SMG6: variants seen among roughly 807,000 people sequenced by gnomAD.
SMG6 encodes the protein telomerase-binding protein EST1A.
SMG6 carries 66 observed loss-of-function variants against 142.2 expected under a neutral mutation model. That is an observed-to-expected ratio of 0.46 (90% confidence interval 0.38 to 0.57). The LOEUF (loss-of-function observed/expected upper bound fraction) is 0.57. Ranked by LOEUF, SMG6 falls within the 20% of genes least tolerant of loss-of-function variation. SMG6 has a pLI of 0.00. For synonymous variants in SMG6, 779 were observed against 702.4 expected (o/e 1.11, Z -1.72); for missense variants, 1,793 against 1,832.0 (o/e 0.98, Z 0.39).
intron 15 of SMG6, among the ~76,000 whole-genome samples, chr17:2,074,740 C>T (rs367662175): frequency 2.0e-5 from 3 of 152,342 alleles, no homozygotes; most frequent in East Asian, 3.9e-4. Flanking sequence ...ACAGTGGGCT[C>T]AGTCACTGGC....
chr17:2,080,119 CAAAAG>C (rs2068374107), intron 15 of SMG6, among the ~76,000 whole-genome samples: 2 of 109,540 alleles, frequency 1.8e-5, no homozygotes, highest in African/African-American at 7.4e-5. Context: ...CAAAACAAAA[CAAAAG>C]AATGATGGAT....
At chr17:2,110,601 G>A (rs1248539573) in intron 13 of SMG6, among the ~76,000 whole-genome samples, 4 of 152,088 alleles carry the variant, frequency 2.6e-5, no homozygotes, top group East Asian at 1.9e-4. Flanking sequence ...AAGATCTGGC[G>A]GAAGCAGCAA....
intron 13 of SMG6, among the ~76,000 whole-genome samples, chr17:2,151,861 A>G (rs2070836935): frequency 6.6e-6 from 1 of 152,070 alleles, no homozygotes; most frequent in Admixed American, 6.5e-5. Flanking sequence ...GCTGCTGCCA[A>G]TTTGCTTCTC....
At chr17:2,140,046 A>T (rs1046473111) in intron 13 of SMG6, among the ~76,000 whole-genome samples, 1 of 146,464 alleles carries the variant, frequency 6.8e-6, no homozygotes, top group Non-Finnish European at 1.5e-5. Context: ...CTGTTAACTA[A>T]TTTTTTTTAA....
At chr17:2,188,161 C>T (rs185425803) in intron 11 of SMG6, among the ~76,000 whole-genome samples, 1 of 151,878 alleles carries the variant, frequency 6.6e-6, no homozygotes, top group Non-Finnish European at 1.5e-5. Context: ...ATCCTAACTA[C>T]TAAAGGAGAA....
chr17:2,156,393 C>CAAAAAAAAAAAAAAA (rs34203812), intron 13 of SMG6, among the ~76,000 whole-genome samples: 2 of 55,388 alleles, frequency 3.6e-5, no homozygotes, highest in African/African-American at 8.2e-5. Flanking sequence ...CACTCCTTCT[C>CAAAAAAAAAAAAAAA]AAAAAAAAAA....
rs189486948 is a variant in SMG6, at chr17:2,188,520, G to A, written c.2870-5C>T. 5,217 of 1,612,594 alleles carry A rather than the reference G, an allele frequency of 3.2e-3. 30 individuals are homozygous for A. Among genetic ancestry groups the A allele is most frequent in the South Asian group, 0.017 (1,590 of 91,020 alleles). On this transcript the variant is annotated splice_polypyrimidine_tract_variant and splice_region_variant and intron_variant, in intron 10 of 18. Transcript: ENST00000263073. ...GGCACTCCTCCGAGAAGCAGTCTGCGGACAGGCAAATGAAACTCTCAGCGC... is the reference window on the plus strand; with the variant it reads ...GGCACTCCTCCGAGAAGCAGTCTGCAGACAGGCAAATGAAACTCTCAGCGC...
At chr17:2,083,420 G>A (rs2068476929) in intron 14 of SMG6, among the ~76,000 whole-genome samples, 1 of 152,144 alleles carries the variant, frequency 6.6e-6, no homozygotes, top group Non-Finnish European at 1.5e-5. Flanking sequence ...TATGTCTGAA[G>A]AAACACCTTT....
intron 15 of SMG6, among the ~76,000 whole-genome samples, chr17:2,078,180 G>A (rs1362763291): frequency 1.3e-5 from 2 of 152,080 alleles, no homozygotes; most frequent in African/African-American, 4.8e-5. Context: ...TTCTGGGGCT[G>A]TGCAATGCAG....
chr17:2,188,340 G>T, intron 11 of SMG6, 59 bp downstream of exon 11: 1 of 1,382,722 alleles, frequency 7.2e-7, no homozygotes, highest in Non-Finnish European at 1.0e-6. Flanking sequence ...GGCACTGTGA[G>T]GTCTGGACAA....
At chr17:2,269,513 C>T (rs2074501588) in intron 8 of SMG6, among the ~76,000 whole-genome samples, 1 of 151,664 alleles carries the variant, frequency 6.6e-6, no homozygotes. Flanking sequence ...ATGTGGTGAA[C>T]GTTCTGTGCT....
chr17:2,292,528 T>A, intron 6 of SMG6, 24 bp downstream of exon 6: 3 of 1,611,210 alleles, frequency 1.9e-6, no homozygotes, highest in Non-Finnish European at 2.5e-6. Flanking sequence ...AAAGCACTTT[T>A]CCCCTGTCCA....
intron 15 of SMG6, among the ~76,000 whole-genome samples, chr17:2,074,247 A>C (rs1299535928): frequency 6.6e-6 from 1 of 151,596 alleles, no homozygotes; most frequent in Non-Finnish European, 1.5e-5. Context: ...CGCGCTTCTG[A>C]TTTCTATGAA....
chr17:2,231,923 C>T (rs573839416), intron 10 of SMG6, among the ~76,000 whole-genome samples: 5 of 152,166 alleles, frequency 3.3e-5, no homozygotes, highest in Admixed American at 3.3e-4. Context: ...GGAGCCAGGG[C>T]ACAGAAAAGG....
intron 15 of SMG6, among the ~76,000 whole-genome samples, chr17:2,069,643 C>G (rs1308901117): frequency 3.3e-5 from 5 of 152,178 alleles, no homozygotes; most frequent in African/African-American, 1.2e-4. Context: ...AAGTTGAACT[C>G]AAAGGCTATA....
In SMG6 at chr17:2,273,565, G is replaced by A. The variant is rs117865646; in HGVS notation, c.2661+9082C>T. On this transcript the variant is annotated intron_variant, in intron 8 of 18. Coordinates refer to ENST00000263073, the MANE Select transcript of SMG6 (RefSeq NM_017575.5). ...GGAGAATCGTTTGAACCGGGGAGGC[G>A]GAAGTTGCAGCGAGCAGAGATTGTG... Among the ~76,000 whole-genome samples, 1,232 of 152,276 alleles carry A rather than the reference G, an allele frequency of 8.1e-3. 12 individuals are homozygous for A. The highest frequency in any genetic ancestry group is 0.013 in the Non-Finnish European group (866 of 68,024).
chr17:2,275,639 C>A (rs976555167), intron 8 of SMG6, among the ~76,000 whole-genome samples: 1 of 152,180 alleles, frequency 6.6e-6, no homozygotes, highest in African/African-American at 2.4e-5. Flanking sequence ...ATATCCTTAA[C>A]TCCCTGACTG....
At position 2,282,753 on chromosome 17, in the gene SMG6, C is replaced by G; in HGVS notation, c.2555G>C (p.Arg852Pro). 3 of 1,614,170 alleles carry G rather than the reference C, an allele frequency of 1.9e-6. No individual in the cohort carries two copies. Among genetic ancestry groups the G allele is most frequent in the Non-Finnish European group, 2.5e-6 (3 of 1,180,040 alleles). ...TFRHVGDDTT[R>P]LEIWIHPSHP... The stretch of plus-strand genomic sequence containing the variant: ...GGATGGATGAATCCAGATCTCCAGG[C>G]GAGTGGTGTCATCTCCAACATGCCG... Residue 852 changes from arginine (R) to proline (P), a missense_variant, in exon 8 of 19, where the codon CGC becomes CCC. Arg to Pro is a moderately radical substitution (Grantham distance 103). Coordinates refer to ENST00000263073, the MANE Select transcript of SMG6 (RefSeq NM_017575.5).
chr17:2,297,783 A>C, intron 3 of SMG6, 80 bp downstream of exon 3: 1 of 1,472,222 alleles, frequency 6.8e-7, no homozygotes. Flanking sequence ...TCTAAAACAT[A>C]GTATTTCAGG....
Sources: allele counts gnomAD v4.1 joint callset (sites outside exome capture counted in the v4.1 genomes callset), GRCh38; gene constraint gnomAD v4.1.1; transcripts MANE v1.5; gene names NCBI Gene and HGNC (gene_info 2026-07-23, HGNC 2026-07-21).